P2RY12: variants seen among roughly 807,000 people sequenced by gnomAD.
The protein encoded by P2RY12 is P2Y purinoceptor 12.
In P2RY12, 3 loss-of-function variants were observed where a neutral mutation model predicts 4.5. The observed-to-expected ratio is 0.67, with a 90% CI of 0.31 to 1.74. The LOEUF is 1.74. Ranked by LOEUF, P2RY12 falls within the 40% of genes most tolerant of loss-of-function variation. The pLI is 0.09. For missense variants in P2RY12, 356 were observed against 407.8 expected (o/e 0.87, Z 1.09); for synonymous variants, 148 against 154.1 (o/e 0.96, Z 0.29).
chr3:151,376,886 T>C (rs372449944), intron 1 of P2RY12: 231 of 1,613,678 alleles, frequency 1.4e-4, no homozygotes, highest in Admixed American at 2.5e-4. Flanking sequence ...TGAGTTTATA[T>C]TGAAAGCTTA....
At chr3:151,356,992 C>T (rs1196085750) in intron 1 of P2RY12, among the ~76,000 whole-genome samples, 2 of 152,070 alleles carry the variant, frequency 1.3e-5, no homozygotes, top group Admixed American at 1.3e-4. Flanking sequence ...AGTTTCAGTA[C>T]CTTATTTCAG....
At chr3:151,365,175 A>C (rs751931026) in intron 1 of P2RY12, 2 of 1,614,020 alleles carry the variant, frequency 1.2e-6, no homozygotes, top group South Asian at 2.2e-5. Context: ...TACACTCATG[A>C]ATGTATGTAT....
intron 1 of P2RY12, chr3:151,368,014 A>G: frequency 1.2e-6 from 1 of 829,644 alleles, no homozygotes; most frequent in South Asian, 1.8e-5. Flanking sequence ...TCAGAAAAAT[A>G]GCCAGGGCCT....
intron 1 of P2RY12, chr3:151,376,675 CATAT>C (rs369709197): frequency 1.3e-6 from 1 of 775,556 alleles, no homozygotes; most frequent in Non-Finnish European, 2.1e-6. Context: ...CCTTTTGACT[CATAT>C]AAATTATTTC....
intron 1 of P2RY12, chr3:151,383,826 A>C (rs2108157289): frequency 6.2e-7 from 1 of 1,614,074 alleles, no homozygotes; most frequent in Non-Finnish European, 8.5e-7. Flanking sequence ...AGTGGACTAC[A>C]GACTGGGCCC....
chr3:151,359,411 C>T (rs962165053), intron 1 of P2RY12, among the ~76,000 whole-genome samples: 2 of 152,140 alleles, frequency 1.3e-5, no homozygotes, highest in Non-Finnish European at 2.9e-5. Flanking sequence ...TGTCATTTCA[C>T]AGGGTTTGGG....
intron 1 of P2RY12, chr3:151,372,419 C>T (rs1756303814): frequency 1.6e-6 from 1 of 622,280 alleles, no homozygotes; most frequent in Non-Finnish European, 2.8e-6. Context: ...TGCTCTTGAT[C>T]CATTCTCTCT....
chr3:151,341,228 A>G (rs775194673), intron 1 of P2RY12, among the ~76,000 whole-genome samples: 1 of 152,112 alleles, frequency 6.6e-6, no homozygotes, highest in Non-Finnish European at 1.5e-5. Flanking sequence ...CTTGGTTAAT[A>G]ATGTCATTAT....
chr3:151,371,985 A>T (rs1272784134), intron 1 of P2RY12, among the ~76,000 whole-genome samples: 1 of 152,200 alleles, frequency 6.6e-6, no homozygotes, highest in Non-Finnish European at 1.5e-5. Context: ...ACAGAGAGGA[A>T]GGTAAAAAAA....
chr3:151,350,234 A>G (rs374735811), intron 1 of P2RY12: 2 of 1,607,088 alleles, frequency 1.2e-6, no homozygotes, highest in East Asian at 2.2e-5. Context: ...ATTTGCTCCC[A>G]TTGTGTTGCC....
intron 1 of P2RY12, chr3:151,377,103 G>T (rs760640437): frequency 4.3e-6 from 7 of 1,613,944 alleles, no homozygotes; most frequent in Non-Finnish European, 4.2e-6. Context: ...TCTGGCATGA[G>T]CCTCTTCAAC....
At chr3:151,361,936 A>G (rs370602760) in intron 1 of P2RY12, among the ~76,000 whole-genome samples, 7 of 152,088 alleles carry the variant, frequency 4.6e-5, no homozygotes, top group Admixed American at 6.6e-5. Flanking sequence ...TTTGAGGACA[A>G]TTATTTACTA....
rs545658683 is a variant in P2RY12 at position 151,360,283 on chromosome 3, T to A, written c.-179-19523A>T. 2.0e-4 allele frequency among the ~76,000 whole-genome samples: 30 copies of A among 152,300 alleles called. No individual in the cohort carries two copies. In the South Asian group the frequency reaches 2.5e-3, roughly 13 times the overall value. On this transcript the variant is annotated intron_variant, in intron 1 of 2. Transcript: ENST00000302632. ...TCAGTGACATTTCTGAAGTTTTTTT[T>A]AAAATCTATTTCAGTGTCATAATAG...
At chr3:151,377,928 A>C (rs756211221) in intron 1 of P2RY12, 7 of 1,349,274 alleles carry the variant, frequency 5.2e-6, no homozygotes, top group Non-Finnish European at 7.0e-6. Flanking sequence ...CATACATCAA[A>C]GTTTCGCTTT....
At chr3:151,368,684 C>T (rs57116360) in intron 1 of P2RY12, among the ~76,000 whole-genome samples, 1,083 of 41,236 alleles carry the variant, frequency 0.026, 7 homozygotes, top group African/African-American at 0.04. Flanking sequence ...CATGTCATTT[C>T]ATTTTATTTC....
intron 1 of P2RY12, among the ~76,000 whole-genome samples, chr3:151,377,471 C>T (rs1711500996): frequency 6.6e-6 from 1 of 152,134 alleles, no homozygotes; most frequent in South Asian, 2.1e-4. Context: ...ATGGGAAACG[C>T]TTTTTCCACC....
At chr3:151,339,987 A>G (rs1245215486) in intron 2 of P2RY12, among the ~76,000 whole-genome samples, 1 of 152,220 alleles carries the variant, frequency 6.6e-6, no homozygotes, top group Non-Finnish European at 1.5e-5. Context: ...ATATTTAGAT[A>G]AATGAATGTA....
At chr3:151,359,692 A>G (rs1188768348) in intron 1 of P2RY12, among the ~76,000 whole-genome samples, 1 of 152,152 alleles carries the variant, frequency 6.6e-6, no homozygotes, top group Non-Finnish European at 1.5e-5. Flanking sequence ...GATAGTTTCT[A>G]AAGCTTTTTT....
intron 1 of P2RY12, among the ~76,000 whole-genome samples, chr3:151,373,796 T>C (rs1351639149): frequency 6.6e-6 from 1 of 152,160 alleles, no homozygotes; most frequent in Non-Finnish European, 1.5e-5. Flanking sequence ...TTCTGGCCCA[T>C]GTTGTACTTT....
Sources: allele counts gnomAD v4.1 joint callset (sites outside exome capture counted in the v4.1 genomes callset), GRCh38; gene constraint gnomAD v4.1.1; transcripts MANE v1.5; gene names NCBI Gene and HGNC (gene_info 2026-07-23, HGNC 2026-07-21).